Variants in IL16 observed in about 807,000 individuals in gnomAD.
IL16 encodes pro-interleukin-16.
Under a neutral mutation model 110.1 loss-of-function variants are expected in IL16, and 67 were observed. That is an observed-to-expected ratio of 0.61 (90% confidence interval 0.50 to 0.75). IL16 has a LOEUF of 0.75. Ranked by LOEUF, IL16 falls within the 30% of genes least tolerant of loss-of-function variation. The probability of loss-of-function intolerance (pLI) is 0.00; values close to 1 mark genes in which losing one functional copy is unlikely to be tolerated. For missense variants in IL16, 1,545 were observed against 1,655.0 expected (o/e 0.93, Z 1.15); for synonymous variants, 689 against 662.9 (o/e 1.04, Z -0.61).
intron 12 of IL16, among the ~76,000 whole-genome samples, chr15:81,293,313 T>A (rs775944311): frequency 1.3e-5 from 2 of 152,220 alleles, no homozygotes; most frequent in Non-Finnish European, 2.9e-5. Flanking sequence ...CATTTTTCAC[T>A]CACCATGAAG....
At chr15:81,282,038 C>T (rs1402273217) in intron 8 of IL16, among the ~76,000 whole-genome samples, 4 of 152,228 alleles carry the variant, frequency 2.6e-5, no homozygotes, top group East Asian at 3.8e-4. Flanking sequence ...AGAATAAACC[C>T]GTTCACTGAC....
chr15:81,241,956 C>CTTTTTTTTTTTTTTT (rs367786067), intron 2 of IL16, among the ~76,000 whole-genome samples: 1 of 144,342 alleles, frequency 6.9e-6, no homozygotes, highest in Non-Finnish European at 1.5e-5. Flanking sequence ...TTAAACCAAG[C>CTTTTTTTTTTTTTTT]TTTTTTTTTT....
At chr15:81,250,238 C>T (rs960851420) in intron 2 of IL16, among the ~76,000 whole-genome samples, 1 of 152,152 alleles carries the variant, frequency 6.6e-6, no homozygotes, top group African/African-American at 2.4e-5. Flanking sequence ...GACGTGATCT[C>T]GGCTCACTGC....
intron 2 of IL16, among the ~76,000 whole-genome samples, chr15:81,234,083 C>A (rs1294452161): frequency 6.6e-6 from 1 of 152,062 alleles, no homozygotes. Context: ...ACTAGTATAG[C>A]TTCACCACTA....
At chr15:81,189,934 T>C (rs1895473023) in intron 1 of IL16, among the ~76,000 whole-genome samples, 1 of 152,228 alleles carries the variant, frequency 6.6e-6, no homozygotes, top group South Asian at 2.1e-4. Context: ...GCGGCGTTCC[T>C]CAGATACTTG....
intron 1 of IL16, among the ~76,000 whole-genome samples, chr15:81,207,452 G>A (rs80281674): frequency 0.02 from 3,038 of 151,770 alleles, 73 homozygotes; most frequent in East Asian, 0.13. Flanking sequence ...TTGTTACATG[G>A]GTATATTACA....
chr15:81,292,387 C>T (rs551005144), intron 11 of IL16, 169 bp from the exon 12 acceptor site: 21 of 960,144 alleles, frequency 2.2e-5, no homozygotes, highest in African/African-American at 1.8e-4. Flanking sequence ...TCATACAGCT[C>T]GCCAGGGACC....
upstream of IL16, among the ~76,000 whole-genome samples, chr15:81,195,567 G>A (rs950966922): frequency 5.3e-5 from 8 of 152,146 alleles, no homozygotes; most frequent in African/African-American, 1.9e-4. Context: ...CCCTCCTCCC[G>A]TGCTTCCCTT....
chr15:81,286,299 A>G (rs552554292), intron 10 of IL16, among the ~76,000 whole-genome samples: 159 of 152,340 alleles, frequency 1.0e-3, no homozygotes, highest in African/African-American at 3.5e-3. Flanking sequence ...ATACAGGAAT[A>G]TAGCAGGGAA....
intron 2 of IL16, among the ~76,000 whole-genome samples, chr15:81,227,257 G>A (rs1486934144): frequency 1.3e-5 from 2 of 152,052 alleles, no homozygotes; most frequent in African/African-American, 4.8e-5. Flanking sequence ...ATAACAACTT[G>A]ATATATAATA....
In IL16 at chr15:81,313,492, G is replaced by A; in HGVS notation, c.*4694G>A. Reference sequence around the variant, plus strand: ...GCAGGTGAGCAGAGCCCAGCCCAGTGGAAATGGCCATGATACAGTGATCGC... The same window carrying A: ...GCAGGTGAGCAGAGCCCAGCCCAGTAGAAATGGCCATGATACAGTGATCGC... On this transcript the variant is annotated 3_prime_UTR_variant, in exon 19 of 19. Coordinates refer to ENST00000683961, the MANE Select transcript of IL16 (RefSeq NM_172217.5). The A allele has an allele frequency of 7.8e-7, 1 of 1,285,502 alleles. No individual in the cohort carries two copies. Among genetic ancestry groups the A allele is most frequent in the Non-Finnish European group, 1.0e-6 (1 of 966,488 alleles). 79.6% of individuals were successfully genotyped at this position (1,285,502 alleles called of 1,614,324 possible). A position where few individuals can be genotyped will look rare whatever the true frequency, so the allele number is the denominator to read the frequency against.
chr15:81,259,413 T>C (rs1264442965), intron 2 of IL16, among the ~76,000 whole-genome samples: 1 of 152,250 alleles, frequency 6.6e-6, no homozygotes, highest in Non-Finnish European at 1.5e-5. Flanking sequence ...TCAGTCATCT[T>C]TCACTAAAAT....
chr15:81,182,844 C>T (rs950622173), exon 1 of IL16: 11 of 1,289,094 alleles, frequency 8.5e-6, no homozygotes, highest in Non-Finnish European at 1.1e-5. Context: ...CTCCCTCCCT[C>T]AAACCCTGTG....
At chr15:81,295,437 A>T (rs1368298522) in intron 12 of IL16, 4 of 1,289,054 alleles carry the variant, frequency 3.1e-6, no homozygotes, top group Non-Finnish European at 4.0e-6. Flanking sequence ...CATTGACTGC[A>T]GTTGGTATCA....
intron 2 of IL16, among the ~76,000 whole-genome samples, chr15:81,245,023 T>C (rs957751032): frequency 1.3e-5 from 2 of 152,218 alleles, no homozygotes; most frequent in Admixed American, 1.3e-4. Context: ...ATATCTTCTA[T>C]TTATTTGTTG....
intron 2 of IL16, among the ~76,000 whole-genome samples, chr15:81,233,459 CTGTGTGTGTGTG>C (rs5814049): frequency 1.2e-3 from 166 of 143,456 alleles, no homozygotes; most frequent in African/African-American, 3.9e-3. Flanking sequence ...TCTTCTCTTT[CTGTGTGTGTGTG>C]TGTGTGTGTG....
chr15:81,297,000 G>T lies in IL16; in HGVS notation c.1975G>T (p.Gly659Cys). 1 of 1,613,882 alleles carries T rather than the reference G, an allele frequency of 6.2e-7. No homozygotes were observed. Among genetic ancestry groups the T allele is most frequent in the Non-Finnish European group, 8.5e-7 (1 of 1,179,958 alleles). Residue 659 changes from glycine (G) to cysteine (C), a missense_variant, in exon 13 of 19, where the codon GGC becomes TGC. By Grantham distance (159) the Gly-to-Cys change is radical (BLOSUM62 -3). Transcript: ENST00000683961. ...AGGGAGAAGCCCTAGTGCCTCTGCC[G>T]GCTGCCCAGGACCTGGTATCGGCCC... ...TAGRSPSASA[G>C]CPGPGIGPQT...
intron 1 of IL16, among the ~76,000 whole-genome samples, chr15:81,197,819 A>ACAGGGAAGCATCTTCTC (rs1377712079): frequency 6.6e-6 from 1 of 152,078 alleles, no homozygotes; most frequent in Admixed American, 6.6e-5. Context: ...CCTGTGGAAT[A>ACAGGGAAGCATCTTCTC]CAGGGAAGCA....
chr15:81,306,472 G>T lies in IL16; in HGVS notation c.3732G>T (p.Leu1244=). The change falls in exon 18 of 19, where the codon CTG becomes CTT. Residue 1244 remains leucine, a synonymous_variant. Coordinates refer to ENST00000683961, the MANE Select transcript of IL16 (RefSeq NM_172217.5). ...TVTLEKMSAG[L]GFSLEGGKGS... ...CACTGGAGAAGATGTCGGCAGGGCT[G>T]GGCTTCAGCCTGGAAGGAGGGAAGG... 1 of 1,613,632 alleles carries T rather than the reference G, an allele frequency of 6.2e-7. No homozygotes were observed. Among genetic ancestry groups the T allele is most frequent in the Non-Finnish European group, 8.5e-7 (1 of 1,179,914 alleles).
Sources: gnomAD v4.1 joint callset for allele counts (sites outside exome capture counted in the v4.1 genomes callset) on GRCh38, gnomAD v4.1.1 for gene constraint, MANE v1.5 for transcripts, NCBI Gene and HGNC (gene_info 2026-07-23, HGNC 2026-07-21) for gene names.